MKX: variants seen among roughly 807,000 people sequenced by gnomAD.
MKX encodes the protein homeobox protein Mohawk.
Under a neutral mutation model 36.0 loss-of-function variants are expected in MKX, and 13 were observed. The observed-to-expected ratio is 0.36, with a 90% CI of 0.24 to 0.57. MKX has a LOEUF of 0.57. Ranked by LOEUF, MKX falls within the 20% of genes least tolerant of loss-of-function variation. The probability of loss-of-function intolerance (pLI) is 0.79; values close to 1 mark genes in which losing one functional copy is unlikely to be tolerated. For synonymous variants in MKX, 176 were observed against 178.3 expected (o/e 0.99, Z 0.10); for missense variants, 458 against 456.4 (o/e 1.00, Z -0.03).
intron 5 of MKX, among the ~76,000 whole-genome samples, chr10:27,713,622 T>A (rs771694770): frequency 7.9e-5 from 12 of 152,166 alleles, no homozygotes; most frequent in African/African-American, 1.2e-4. Context: ...GGAATAATTA[T>A]CCTTATTTTT....
intron 5 of MKX, among the ~76,000 whole-genome samples, chr10:27,693,172 C>T (rs1836485105): frequency 6.6e-6 from 1 of 152,202 alleles, no homozygotes. Context: ...GATCTGAGAA[C>T]AACTCTTGGC....
At position 27,743,373 on chromosome 10, in the gene MKX, AC is replaced by A. The variant is rs1463380840; in HGVS notation, c.42del (p.Phe15LeufsTer43). The A allele has an allele frequency of 1.3e-6, 2 of 1,574,540 alleles. No homozygotes were observed. Among genetic ancestry groups the A allele is most frequent in the Non-Finnish European group, 1.7e-6 (2 of 1,162,740 alleles). ...CGCTCCGAGGCGCCTCCGTCCTCAA[AC>A]AGCACCGCACCGCTGAGCTTGTTGA... ...IVFNKLSGAV[L>X]FEDGGASERE... On this transcript the variant is annotated frameshift_variant, in exon 2 of 7. Coordinates refer to ENST00000419761, the MANE Select transcript of MKX (RefSeq NM_173576.3). LOFTEE classifies it high-confidence loss of function.
At chr10:27,703,244 A>G (rs1836691874) in intron 5 of MKX, among the ~76,000 whole-genome samples, 1 of 152,170 alleles carries the variant, frequency 6.6e-6, no homozygotes, top group Non-Finnish European at 1.5e-5. Context: ...TGCTTTCTCC[A>G]TCGTTATCAT....
rs537543436 is a variant in MKX at position 27,717,787 on chromosome 10, C to T, written c.838+16669G>A. Among the ~76,000 whole-genome samples, 10 of 152,302 alleles carry T rather than the reference C, an allele frequency of 6.6e-5. No homozygotes were observed. In the East Asian group the frequency reaches 1.2e-3, roughly 18 times the overall value. Reference sequence around the variant, plus strand: ...AACATGTAAAACTCGACCTCATCAGCGTGATTTTAGCACCTTAAAGGATGA... The same window carrying T: ...AACATGTAAAACTCGACCTCATCAGTGTGATTTTAGCACCTTAAAGGATGA... On this transcript the variant is annotated intron_variant, in intron 5 of 6. Coordinates refer to ENST00000419761, the MANE Select transcript of MKX (RefSeq NM_173576.3).
Position 27,706,752 on chromosome 10 carries a change from T to C in MKX, c.838+27704A>G, listed in dbSNP as rs1291847164. ...CTTTGCTCATTTTAATTGAGGTGTT[T>C]CTTTTTTTGTTGTTGAGTTGAATGG... On this transcript the variant is annotated intron_variant, in intron 5 of 6. Transcript: ENST00000419761. 2.0e-5 allele frequency among the ~76,000 whole-genome samples: 3 copies of C among 152,214 alleles called. No individual in the cohort carries two copies. The East Asian group carries it at 5.8e-4, about 29-fold the overall frequency.
At chr10:27,721,736 C>T (rs550448025) in intron 5 of MKX, among the ~76,000 whole-genome samples, 1 of 152,114 alleles carries the variant, frequency 6.6e-6, no homozygotes, top group Non-Finnish European at 1.5e-5. Context: ...ACACGTTAAC[C>T]TATGTAACAA....
intron 5 of MKX, among the ~76,000 whole-genome samples, chr10:27,731,638 C>T (rs1202097438): frequency 6.9e-6 from 1 of 144,238 alleles, no homozygotes; most frequent in Non-Finnish European, 1.5e-5. Context: ...AGGTTGCTTT[C>T]TCATTGCTTG....
At chr10:27,688,785 C>T (rs549297607) in intron 5 of MKX, among the ~76,000 whole-genome samples, 164 of 152,300 alleles carry the variant, frequency 1.1e-3, no homozygotes, top group African/African-American at 3.9e-3. Context: ...TGATATTCAT[C>T]CTTTCAGTTC....
chr10:27,676,367 CTTT>C (rs1456957790), intron 5 of MKX, among the ~76,000 whole-genome samples: 1 of 146,734 alleles, frequency 6.8e-6, no homozygotes, highest in Non-Finnish European at 1.5e-5. Context: ...ATCAAATTTT[CTTT>C]TTTCTTTTTC....
intron 5 of MKX, among the ~76,000 whole-genome samples, chr10:27,710,312 C>T (rs1836829109): frequency 6.6e-6 from 1 of 152,218 alleles, no homozygotes; most frequent in African/African-American, 2.4e-5. Flanking sequence ...TTTGTGGCCA[C>T]ATACTTTGCT....
chr10:27,678,083 C>T (rs1437686864), intron 5 of MKX, among the ~76,000 whole-genome samples: 1 of 152,222 alleles, frequency 6.6e-6, no homozygotes, highest in Non-Finnish European at 1.5e-5. Context: ...ATTCTGAGTA[C>T]TTTGTGTCCT....
At chr10:27,722,233 C>T (rs1434478104) in intron 5 of MKX, among the ~76,000 whole-genome samples, 1 of 152,162 alleles carries the variant, frequency 6.6e-6, no homozygotes, top group Non-Finnish European at 1.5e-5. Flanking sequence ...CAGAGCCCAA[C>T]ACCCCCACTG....
Position 27,738,535 on chromosome 10 carries a change from A to G in MKX, c.348+2810T>C, listed in dbSNP as rs186130090. Among the ~76,000 whole-genome samples, 317 of 152,166 alleles carry G rather than the reference A, an allele frequency of 2.1e-3. 2 individuals are homozygous for G. The highest frequency in any genetic ancestry group is 7.5e-3 in the African/African-American group (313 of 41,570). Reference sequence around the variant, plus strand: ...CTGAATGCTATATGTGTATATACGTATAGATGTTTGGGCCTCTAAGCTTTC... The same window carrying G: ...CTGAATGCTATATGTGTATATACGTGTAGATGTTTGGGCCTCTAAGCTTTC... On this transcript the variant is annotated intron_variant, in intron 3 of 6. Transcript: ENST00000419761.
chr10:27,681,917 G>A lies in MKX; in HGVS notation c.839-6363C>T, dbSNP rs199847244. Among the ~76,000 whole-genome samples the A allele has an allele frequency of 5.5e-5, 8 of 145,596 alleles. No homozygotes were observed. The East Asian group carries it at 1.5e-3, about 28-fold the overall frequency. On this transcript the variant is annotated intron_variant, in intron 5 of 6. Transcript: ENST00000419761. The stretch of plus-strand genomic sequence containing the variant: ...AGCCTGGGTGACAGAGCAAGACTAC[G>A]TCTCAAGAAAAAAAAAAAAAGTTAA...
intron 5 of MKX, among the ~76,000 whole-genome samples, chr10:27,676,999 T>A (rs1388148099): frequency 6.6e-6 from 1 of 152,074 alleles, no homozygotes; most frequent in Non-Finnish European, 1.5e-5. Context: ...GCTAAAAGAA[T>A]CTGGTATGAG....
Position 27,711,467 on chromosome 10 carries a change from CTTTCTTTCTT to C in MKX, c.838+22979_838+22988del, listed in dbSNP as rs773417482. 2.3e-3 allele frequency among the ~76,000 whole-genome samples: 100 copies of C among 43,880 alleles called. 3 individuals carry two copies. Among genetic ancestry groups the C allele is most frequent in the East Asian group, 0.016 (19 of 1,180 alleles). The allele number at this position is 43,880 out of a possible 152,430, so 28.8% of individuals were successfully genotyped here. A position where few individuals can be genotyped will look rare whatever the true frequency, so the allele number is the denominator to read the frequency against. On this transcript the variant is annotated intron_variant, in intron 5 of 6. Coordinates refer to ENST00000419761, the MANE Select transcript of MKX (RefSeq NM_173576.3). ...TCTTTCTTTCTTTCTTTCTTTCTTT[CTTTCTTTCTT>C]TCTTTCTCTCTCTCTCTCTTCTTTC...
chr10:27,734,501 A>G lies in MKX; in HGVS notation c.793T>C (p.Ser265Pro). 2 of 1,614,196 alleles carry G rather than the reference A, an allele frequency of 1.2e-6. No individual in the cohort carries two copies. The highest frequency in any genetic ancestry group is 1.7e-6 in the Non-Finnish European group (2 of 1,180,026). ...CCTTCAGTTTCTGATGACGATGGAG[A>G]CACTAATTCTTCCTCAAATTCATTG... ...SSNEFEEELV[S>P]PSSSETEGNF... Residue 265 changes from serine (S) to proline (P), a missense_variant, in exon 5 of 7, where the codon TCT becomes CCT. Physicochemically the swap from Ser to Pro is moderately conservative, Grantham distance 74 (BLOSUM62 -1). Around this residue, in one of 3 missense-constraint regions of MKX, gnomAD observed 297 missense variants for 304.4 expected, o/e 0.98. Transcript: ENST00000419761.
intron 5 of MKX, among the ~76,000 whole-genome samples, chr10:27,684,035 T>G (rs1019029240): frequency 6.6e-6 from 1 of 152,180 alleles, no homozygotes; most frequent in Non-Finnish European, 1.5e-5. Flanking sequence ...ATTTGTTGGC[T>G]GGATACAGCA....
At chr10:27,739,478 T>A (rs973393954) in intron 3 of MKX, among the ~76,000 whole-genome samples, 7 of 152,114 alleles carry the variant, frequency 4.6e-5, no homozygotes, top group African/African-American at 1.7e-4. Flanking sequence ...GTGTTTTGAA[T>A]GAAAATTTCA....
Sources: allele counts gnomAD v4.1 joint callset (sites outside exome capture counted in the v4.1 genomes callset), GRCh38; gene constraint gnomAD v4.1.1; regional missense constraint gnomAD v4.1.1; transcripts MANE v1.5; gene names NCBI Gene and HGNC (gene_info 2026-07-23, HGNC 2026-07-21).